MVP: variants seen among roughly 807,000 people sequenced by gnomAD.
MVP encodes lung resistance-related protein.
MVP carries 62 observed loss-of-function variants against 83.5 expected under a neutral mutation model. The observed-to-expected ratio is 0.74, with a 90% CI of 0.61 to 0.92. The LOEUF (loss-of-function observed/expected upper bound fraction) is 0.92. Ranked by LOEUF, MVP falls within the 40% of genes least tolerant of loss-of-function variation. The pLI is 0.00. For synonymous variants in MVP, 505 were observed against 504.1 expected, an observed-to-expected ratio of 1.00 and a Z score of -0.02; for missense variants, 1,000 against 1,203.4, an observed-to-expected ratio of 0.83 and a Z score of 2.50.
Position 29,833,928 on chromosome 16 carries a change from T to A in MVP, c.446-7T>A, listed in dbSNP as rs2067464713. 1 of 1,613,850 alleles carries A rather than the reference T, an allele frequency of 6.2e-7. No homozygotes were observed. Among genetic ancestry groups the A allele is most frequent in the East Asian group, 2.2e-5 (1 of 44,882 alleles). ...GATACCTTCTGACCATCACCTTCCC[T>A]CCCCAGGCACGTACATCCCCCGGAA... On this transcript the variant is annotated splice_polypyrimidine_tract_variant and splice_region_variant and intron_variant, in intron 4 of 14. Transcript: ENST00000357402.
chr16:29,844,813 A>G lies in MVP; in HGVS notation c.1955A>G (p.Asp652Gly). The G allele has an allele frequency of 6.2e-7, 1 of 1,608,418 alleles. No individual in the cohort carries two copies. The highest frequency in any genetic ancestry group is 8.5e-7 in the Non-Finnish European group (1 of 1,179,986). Residue 652 changes from aspartate to glycine, a missense_variant, in exon 11 of 15, where the codon GAC (aspartate) becomes GGC (glycine). Transcript: ENST00000357402. ...GAGCCTGTGGATCAGAGGACCCGGGACGCCCTGCAACGCAGCGTCCAGCTG... is the reference window on the plus strand; with the variant it reads ...GAGCCTGTGGATCAGAGGACCCGGGGCGCCCTGCAACGCAGCGTCCAGCTG... ...SVEPVDQRTR[D>G]ALQRSVQLAI... is the part of the protein sequence containing the mutation.
Position 29,840,439 on chromosome 16 carries a change from C to T in MVP, c.1171C>T (p.Gln391Ter), listed in dbSNP as rs1249699960. 1.9e-6 allele frequency: 3 copies of T among 1,574,360 alleles called. No homozygotes were observed. Among genetic ancestry groups the T allele is most frequent in the South Asian group, 1.2e-5 (1 of 85,970 alleles). ...PLDENEGIYV[Q>*]DVKTGKVRAV... ...AGACGAGAACGAGGGCATCTATGTG[C>T]AGGATGTCAAGACCGGAAAGGTAAT... Residue 391 changes from glutamine to a stop codon, truncating the protein, a stop_gained, in exon 8 of 15, where the codon CAG (glutamine) becomes TAG (stop). Coordinates refer to ENST00000357402, the MANE Select transcript of MVP (RefSeq NM_005115.5). LOFTEE classifies it high-confidence loss of function.
chr16:29,831,530 G>A, intron 3 of MVP: 1 of 448,922 alleles, frequency 2.2e-6, no homozygotes, highest in South Asian at 1.6e-5. Flanking sequence ...TCTCACCAAG[G>A]GTGGAATTGA....
rs778786485 is a variant in MVP, at chr16:29,840,167, C to CT, written c.910-10dup. ...AAAGGCACTGACCCTAACCTCACGT[C>CT]TCCCCACTAGGGAGAGAAGTCTTTT... On this transcript the variant is annotated splice_polypyrimidine_tract_variant and intron_variant, in intron 7 of 14. Coordinates refer to ENST00000357402, the MANE Select transcript of MVP (RefSeq NM_005115.5). 3.1e-6 allele frequency: 5 copies of CT among 1,596,036 alleles called. No homozygotes were observed. The highest frequency in any genetic ancestry group is 4.3e-6 in the Non-Finnish European group (5 of 1,170,098).
At chr16:29,843,538 A>G (rs372251390) in intron 10 of MVP, among the ~76,000 whole-genome samples, 43 of 18,822 alleles carry the variant, frequency 2.3e-3, no homozygotes, top group African/African-American at 3.2e-3. Context: ...GGAAGGGAGG[A>G]AGGGAGGAAG....
At chr16:29,838,711 C>T (rs2067508517) in intron 7 of MVP, among the ~76,000 whole-genome samples, 1 of 152,072 alleles carries the variant, frequency 6.6e-6, no homozygotes, top group Non-Finnish European at 1.5e-5. Flanking sequence ...CCTGTAGTCC[C>T]AGCTATTTGG....
rs1484145631 is a variant in MVP at position 29,847,972 on chromosome 16, G to C, written c.2665G>C (p.Val889Leu). The C allele has an allele frequency of 7.5e-6, 12 of 1,608,726 alleles. No homozygotes were observed. The highest frequency in any genetic ancestry group is 9.3e-6 in the Non-Finnish European group (11 of 1,178,606). The change falls in exon 15 of 15, where the codon GTG becomes CTG. Residue 889 changes from valine to leucine, a missense_variant. Physicochemically the swap from Val to Leu is conservative, Grantham distance 32. Transcript: ENST00000357402. ...APQAPGDNHVVPVLR is the reference protein window; with the variant it reads ...APQAPGDNHVLPVLR The stretch of plus-strand genomic sequence containing the variant: ...TCAAGCTCCTGGAGACAACCACGTG[G>C]TGCCTGTACTGCGCTAACTCCTGAT...
intron 10 of MVP, among the ~76,000 whole-genome samples, chr16:29,842,629 C>A (rs920762241): frequency 6.6e-6 from 1 of 152,110 alleles, no homozygotes; most frequent in Non-Finnish European, 1.5e-5. Context: ...ACAAAAAAAA[C>A]AAACCGGGTG....
At chr16:29,838,110 A>G (rs1596921453) in intron 7 of MVP, among the ~76,000 whole-genome samples, 1 of 152,242 alleles carries the variant, frequency 6.6e-6, no homozygotes. Flanking sequence ...TGCTCCTGGA[A>G]TAGTTTATCT....
chr16:29,846,132 C>A (rs775163322), intron 12 of MVP, 26 bp from the exon 13 acceptor site: 11 of 1,604,250 alleles, frequency 6.9e-6, no homozygotes, highest in African/African-American at 1.3e-5. Flanking sequence ...TCTCCCGGGT[C>A]TTACCTGACT....
At chr16:29,837,661 C>G (rs1012260170) in intron 7 of MVP, among the ~76,000 whole-genome samples, 2 of 151,560 alleles carry the variant, frequency 1.3e-5, no homozygotes, top group Non-Finnish European at 2.9e-5. Flanking sequence ...GGCTGAGGCA[C>G]GAGAATCACT....
Position 29,841,748 on chromosome 16 carries a change from C to G in MVP, c.1344C>G (p.Pro448=), listed in dbSNP as rs1329603355. The G allele has an allele frequency of 1.2e-6, 2 of 1,613,526 alleles. No individual in the cohort carries two copies. The highest frequency in any genetic ancestry group is 4.5e-5 in the East Asian group (2 of 44,866). Residue 448 remains proline, a synonymous_variant, in exon 9 of 15, where the codon CCC becomes CCG. Transcript: ENST00000357402. The surrounding 1 kb of genome is among the most constrained non-coding windows in gnomAD (Gnocchi z 4.7). ...AGGACACAGCTAAGAGCCTCCAGCC[C>G]TTGGCGCCCCGGAACAAGACCCGTG... The part of the protein sequence containing the change: ...GEKDTAKSLQ[P]LAPRNKTRVV...
At chr16:29,846,801 C>T (rs995932953) in intron 13 of MVP, among the ~76,000 whole-genome samples, 5 of 151,776 alleles carry the variant, frequency 3.3e-5, no homozygotes, top group African/African-American at 9.7e-5. Flanking sequence ...GTGGAGGCTG[C>T]GGTGAGCTGA....
intron 3 of MVP, 27 bp from the exon 4 acceptor site, chr16:29,833,706 C>T (rs1284841882): frequency 6.2e-7 from 1 of 1,613,370 alleles, no homozygotes; most frequent in African/African-American, 1.3e-5. Flanking sequence ...ACTGATGGTT[C>T]TGTGTCTCCA....
chr16:29,837,168 C>T (rs2067495015), intron 7 of MVP, among the ~76,000 whole-genome samples: 2 of 152,250 alleles, frequency 1.3e-5, no homozygotes, highest in Non-Finnish European at 2.9e-5. Context: ...AATTCCCCTT[C>T]TGGGAAGGCC....
Position 29,830,656 on chromosome 16 carries a change from T to C in MVP, c.107T>C (p.Ile36Thr), listed in dbSNP as rs771750662. The C allele has an allele frequency of 6.2e-7, 1 of 1,613,610 alleles. No homozygotes were observed. The highest frequency in any genetic ancestry group is 1.7e-5 in the Admixed American group (1 of 59,942). The change falls in exon 2 of 15, where the codon ATC becomes ACC. Residue 36 changes from isoleucine to threonine, a missense_variant. By Grantham distance (89) the Ile-to-Thr change is moderately conservative. Coordinates refer to ENST00000357402, the MANE Select transcript of MVP (RefSeq NM_005115.5). Reference sequence around the variant, plus strand: ...GTGGAGGTCGGGCCAAAGACCTACATCCGGCAGGACAATGAGAGGTGGGTG... The same window carrying C: ...GTGGAGGTCGGGCCAAAGACCTACACCCGGCAGGACAATGAGAGGTGGGTG... ...SRVEVGPKTYIRQDNERVLFA... is the reference protein window; with the variant it reads ...SRVEVGPKTYTRQDNERVLFA...
chr16:29,835,651 G>A (rs2067480232), intron 5 of MVP, 53 bp from the exon 6 acceptor site: 2 of 1,469,500 alleles, frequency 1.4e-6, no homozygotes, highest in Admixed American at 1.8e-5. Flanking sequence ...GGGAGGGGTA[G>A]GTGGGGAGCA....
chr16:29,837,131 T>A (rs2067494758), intron 7 of MVP, among the ~76,000 whole-genome samples, 173 bp downstream of exon 7: 1 of 152,242 alleles, frequency 6.6e-6, no homozygotes, highest in Non-Finnish European at 1.5e-5. Flanking sequence ...CCTGGCAGCC[T>A]CTGACTTACC....
rs190703840 is a variant in MVP at position 29,846,291 on chromosome 16, G to C, written c.2265+7G>C. On this transcript the variant is annotated splice_region_variant and intron_variant, in intron 13 of 14. Transcript: ENST00000357402. ...GGCCTTGGCCATTGAAACGGTGAGT[G>C]GGGGGAGGCATTAAGAAGAGGGTGG... The C allele has an allele frequency of 1.9e-4, 301 of 1,554,228 alleles. 1 individual carries two copies. The African/African-American group carries it at 3.1e-3, about 16-fold the overall frequency.
Sources: gnomAD v4.1 joint callset for allele counts (sites outside exome capture counted in the v4.1 genomes callset) on GRCh38, gnomAD v4.1.1 for gene constraint, Gnocchi (gnomAD v3.1) non-coding constraint, MANE v1.5 for transcripts, NCBI Gene and HGNC (gene_info 2026-07-23, HGNC 2026-07-21) for gene names.